Variants in GALNT17 observed in about 807,000 individuals in gnomAD.
GALNT17 encodes polypeptide N-acetylgalactosaminyltransferase 17, also known as UDP-GalNAc:polypeptide N-acetylgalactosaminyltransferase-like 3.
A neutral mutation model predicts 63.7 loss-of-function variants in GALNT17; 29 were observed. That is an observed-to-expected ratio of 0.46 (90% CI 0.34 to 0.62). GALNT17 has a LOEUF of 0.62. GALNT17 is among the 20% of genes least tolerant of loss of function. The probability of loss-of-function intolerance (pLI) is 0.01; values close to 1 mark genes in which losing one functional copy is unlikely to be tolerated. For synonymous variants in GALNT17, 305 were observed against 318.3 expected (o/e 0.96, Z 0.45); for missense variants, 603 against 799.6 (o/e 0.75, Z 2.97).
intron 9 of GALNT17, among the ~76,000 whole-genome samples, chr7:71,701,856 C>CATATATATATGT (rs1410478945): frequency 7.2e-5 from 1 of 13,868 alleles, no homozygotes; most frequent in South Asian, 1.1e-3. Flanking sequence ...TATATATATA[C>CATATATATATGT]ACATATATAT....
At chr7:71,307,485 G>T (rs1461763747) in intron 1 of GALNT17, among the ~76,000 whole-genome samples, 1 of 151,886 alleles carries the variant, frequency 6.6e-6, no homozygotes, top group African/African-American at 2.4e-5. Context: ...TCTGTTGGAG[G>T]AGACGGGCAT....
At chr7:71,364,486 C>T (rs1792464918) in intron 2 of GALNT17, among the ~76,000 whole-genome samples, 1 of 152,144 alleles carries the variant, frequency 6.6e-6, no homozygotes, top group Non-Finnish European at 1.5e-5. Flanking sequence ...GGCAACATAC[C>T]ATTTTGCCAG....
chr7:71,191,302 C>T (rs927558777), intron 1 of GALNT17, among the ~76,000 whole-genome samples: 5 of 151,926 alleles, frequency 3.3e-5, no homozygotes, highest in African/African-American at 9.7e-5. Context: ...GAAATGAAAT[C>T]ATGCATATAT....
At chr7:71,284,456 A>G (rs778096849) in intron 1 of GALNT17, 1 of 152,136 alleles carries the variant, frequency 6.6e-6, no homozygotes, top group South Asian at 2.1e-4. Flanking sequence ...TCAGCACCCC[A>G]AAGTGCTGGG....
intron 1 of GALNT17, among the ~76,000 whole-genome samples, chr7:71,146,115 G>A (rs568412850): frequency 9.9e-4 from 151 of 152,202 alleles, no homozygotes; most frequent in African/African-American, 3.2e-3. Context: ...TTCGGGAGGC[G>A]GTGGAGACGG....
intron 5 of GALNT17, among the ~76,000 whole-genome samples, chr7:71,456,505 C>A (rs1289731225): frequency 6.6e-6 from 1 of 152,002 alleles, no homozygotes; most frequent in African/African-American, 2.4e-5. Context: ...AACCTGAGGT[C>A]AGGAGTTTAA....
At position 71,165,812 on chromosome 7, in the gene GALNT17, G is replaced by A. The variant is rs114907352; in HGVS notation, c.238+32772G>A. 5.1e-3 allele frequency among the ~76,000 whole-genome samples: 775 copies of A among 152,282 alleles called. 12 individuals are homozygous for A. The highest frequency in any genetic ancestry group is 0.017 in the African/African-American group (725 of 41,550). On this transcript the variant is annotated intron_variant, in intron 1 of 10. Coordinates refer to ENST00000333538, the MANE Select transcript of GALNT17 (RefSeq NM_022479.3). ...GGTGCAGAATTGAACCGAGACTTTA[G>A]GAGTTCAGGTCAAGCTAGTTCCTTA...
At position 71,253,395 on chromosome 7, in the gene GALNT17, C is replaced by A. The variant is rs111536821; in HGVS notation, c.239-82155C>A. On this transcript the variant is annotated intron_variant, in intron 1 of 10. Coordinates refer to ENST00000333538, the MANE Select transcript of GALNT17 (RefSeq NM_022479.3). ...TACCATGAGAACAGTATGGGGGGAA[C>A]TGCCCCCATGATTCGATGATCTCCC... Among the ~76,000 whole-genome samples, 285 of 152,252 alleles carry A rather than the reference C, an allele frequency of 1.9e-3. 1 individual carries two copies. Among genetic ancestry groups the A allele is most frequent in the African/African-American group, 6.5e-3 (268 of 41,540 alleles).
In GALNT17 at chr7:71,420,971, C is replaced by T; in HGVS notation, c.828C>T (p.Asp276=). Residue 276 remains aspartate, a synonymous_variant, in exon 5 of 11, where the codon GAC becomes GAT. Coordinates refer to ENST00000333538, the MANE Select transcript of GALNT17 (RefSeq NM_022479.3). ...AGCGTGTGATCCTCCCCTCCATTGA[C>T]AACATCAAACAGGACAACTTTGAGG... ...NRKRVILPSI[D]NIKQDNFEVQ... is the part of the protein sequence containing the mutation. 6.2e-7 allele frequency: 1 copy of T among 1,614,174 alleles called. No individual in the cohort carries two copies. The highest frequency in any genetic ancestry group is 1.1e-5 in the South Asian group (1 of 91,088).
intron 6 of GALNT17, among the ~76,000 whole-genome samples, chr7:71,648,940 A>C (rs1790718126): frequency 6.6e-6 from 1 of 152,228 alleles, no homozygotes; most frequent in Non-Finnish European, 1.5e-5. Context: ...ATGAAATAAC[A>C]AAAGGGTTTG....
intron 5 of GALNT17, among the ~76,000 whole-genome samples, chr7:71,554,019 TG>T (rs1789123406): frequency 6.6e-6 from 1 of 152,370 alleles, no homozygotes; most frequent in African/African-American, 2.4e-5. Context: ...TCTTGAGTTT[TG>T]TCCCTTCTGT....
At chr7:71,415,787 G>T (rs922316719) in intron 3 of GALNT17, 102 bp from the exon 4 acceptor site, 3 of 1,289,626 alleles carry the variant, frequency 2.3e-6, no homozygotes, top group Admixed American at 3.1e-5. Context: ...GATTTTTTTT[G>T]AGATCTTTGA....
At chr7:71,673,657 C>A (rs187588036) in intron 8 of GALNT17, among the ~76,000 whole-genome samples, 3 of 152,212 alleles carry the variant, frequency 2.0e-5, no homozygotes, top group South Asian at 4.1e-4. Context: ...CTGTGCCCCC[C>A]AGGCTGGAGT....
At chr7:71,298,711 G>GGTGTGTGTGTGT (rs10602909) in intron 1 of GALNT17, among the ~76,000 whole-genome samples, 10 of 141,490 alleles carry the variant, frequency 7.1e-5, no homozygotes, top group African/African-American at 2.6e-4. Flanking sequence ...ATTCCAGTGG[G>GGTGTGTGTGTGT]GTGTGTGTGT....
At position 71,421,244 on chromosome 7, in the gene GALNT17, C is replaced by T. The variant is rs1178746325; in HGVS notation, c.962+139C>T. On this transcript the variant is annotated intron_variant, in intron 5 of 10. Transcript: ENST00000333538. ...AGCTCTCCAGGAGCCGCCGTTGTCT[C>T]AGGATCACAGCTTTCCTGCAGAGGG... The T allele has an allele frequency of 5.9e-6, 5 of 844,842 alleles. No homozygotes were observed. In the Admixed American group the frequency reaches 1.4e-4, roughly 24 times the overall value. The allele number at this position is 844,842 out of a possible 1,614,324, so 52.3% of individuals were successfully genotyped here. A position where few individuals can be genotyped will look rare whatever the true frequency, so the allele number is the denominator to read the frequency against.
chr7:71,320,953 G>C (rs753330491), intron 1 of GALNT17, among the ~76,000 whole-genome samples: 2 of 152,180 alleles, frequency 1.3e-5, no homozygotes, highest in Non-Finnish European at 2.9e-5. Flanking sequence ...GTGAAGGTTC[G>C]TGTCCCACTC....
intron 1 of GALNT17, among the ~76,000 whole-genome samples, chr7:71,150,943 C>G (rs1788120852): frequency 6.8e-6 from 1 of 147,132 alleles, no homozygotes; most frequent in South Asian, 2.2e-4. Flanking sequence ...CACCACTGCA[C>G]TCCAGCCTGG....
chr7:71,230,212 G>A (rs1247729637), intron 1 of GALNT17, among the ~76,000 whole-genome samples: 1 of 151,524 alleles, frequency 6.6e-6, no homozygotes, highest in African/African-American at 2.4e-5. Flanking sequence ...TAAAATTAAA[G>A]TGGAGTACTA....
intron 5 of GALNT17, among the ~76,000 whole-genome samples, chr7:71,481,691 C>T (rs1444247548): frequency 6.6e-6 from 1 of 152,054 alleles, no homozygotes; most frequent in African/African-American, 2.4e-5. Flanking sequence ...CTCCACCTGC[C>T]CCTGGAGCCC....
Sources: allele counts gnomAD v4.1 joint callset (sites outside exome capture counted in the v4.1 genomes callset), GRCh38; gene constraint gnomAD v4.1.1; transcripts MANE v1.5; gene names NCBI Gene and HGNC (gene_info 2026-07-23, HGNC 2026-07-21).